Variants in DCDC2 observed in about 807,000 individuals in gnomAD.
DCDC2 encodes doublecortin domain containing 2, also known as doublecortin domain-containing protein 2.
A neutral mutation model predicts 50.2 loss-of-function variants in DCDC2; 40 were observed. The ratio of observed to expected loss-of-function variants is 0.80; its 90% CI spans 0.62 to 1.04. The LOEUF is 1.04. DCDC2 is among the 50% of genes least tolerant of loss of function. The pLI is 0.00. For synonymous variants in DCDC2, 234 were observed against 210.6 expected, an observed-to-expected ratio of 1.11 and a Z score of -0.96; for missense variants, 570 against 581.9, an observed-to-expected ratio of 0.98 and a Z score of 0.21.
At chr6:24,363,745 T>C in the DCDC2 span, among the ~76,000 whole-genome samples, 2 of 152,086 alleles carry the variant, frequency 1.3e-5, no homozygotes, top group African/African-American at 2.4e-5. Context: ...CCAAACCCAT[T>C]TCCACATTTT....
intron 7 of DCDC2, among the ~76,000 whole-genome samples, chr6:24,252,631 G>A (rs576025831): frequency 1.8e-4 from 28 of 152,318 alleles, no homozygotes; most frequent in African/African-American, 6.7e-4. Flanking sequence ...AAAGTAGAAA[G>A]AGAATGGTGA....
chr6:24,333,446 C>A (rs183493505), intron 2 of DCDC2, among the ~76,000 whole-genome samples: 1 of 152,270 alleles, frequency 6.6e-6, no homozygotes, highest in East Asian at 1.9e-4. Flanking sequence ...GCAATCCAAT[C>A]CAATTCACAC....
the DCDC2 span, among the ~76,000 whole-genome samples, chr6:24,375,242 T>C: frequency 6.6e-6 from 1 of 152,108 alleles, no homozygotes; most frequent in Non-Finnish European, 1.5e-5. Context: ...GAAAACCATA[T>C]GCCCAGAGGC....
At chr6:24,211,961 T>G (rs1187162587) in intron 7 of DCDC2, among the ~76,000 whole-genome samples, 2 of 152,182 alleles carry the variant, frequency 1.3e-5, no homozygotes, top group African/African-American at 4.8e-5. Context: ...GGCCACGGAC[T>G]GGAAGTGGTC....
chr6:24,353,407 G>A, intron 2 of DCDC2, 162 bp downstream of exon 2: 1 of 652,868 alleles, frequency 1.5e-6, no homozygotes, highest in Non-Finnish European at 2.8e-6. Flanking sequence ...TTCTGACAAT[G>A]ATTCAAAGAA....
chr6:24,200,030 CTGATTGGAG>C (rs764767000), intron 8 of DCDC2, among the ~76,000 whole-genome samples: 6 of 152,128 alleles, frequency 3.9e-5, no homozygotes, highest in Non-Finnish European at 8.8e-5. Flanking sequence ...AAACCTACAA[CTGATTGGAG>C]TCCCTAAAAG....
chr6:24,374,296 G>A, the DCDC2 span, among the ~76,000 whole-genome samples: 1 of 152,018 alleles, frequency 6.6e-6, no homozygotes, highest in South Asian at 2.1e-4. Flanking sequence ...AGCCAGGAGA[G>A]GTGGCTCACA....
In DCDC2 at chr6:24,228,086, C is replaced by G. The variant is rs573926096; in HGVS notation, c.923-22984G>C. ...CAATAATTTTCTTTCACAATTTCTA[C>G]CAAACACACATAGCAGCAGATGAGG... On this transcript the variant is annotated intron_variant, in intron 7 of 9. Transcript: ENST00000378454. 1.1e-4 allele frequency among the ~76,000 whole-genome samples: 17 copies of G among 152,300 alleles called. No individual in the cohort carries two copies. In the East Asian group the frequency reaches 3.1e-3, roughly 28 times the overall value.
intron 7 of DCDC2, among the ~76,000 whole-genome samples, chr6:24,213,953 A>T (rs772328689): frequency 1.4e-4 from 21 of 152,214 alleles, no homozygotes; most frequent in Non-Finnish European, 2.8e-4. Context: ...ATACAATGAT[A>T]CAACCCAAAT....
rs552175927 is a variant in DCDC2 at position 24,332,338 on chromosome 6, T to C, written c.348+21231A>G. Among the ~76,000 whole-genome samples the C allele has an allele frequency of 4.6e-5, 7 of 152,234 alleles. No individual in the cohort carries two copies. The East Asian group carries it at 1.4e-3, about 29-fold the overall frequency. On this transcript the variant is annotated intron_variant, in intron 2 of 9. Transcript: ENST00000378454. ...TCGCAGTCTCCCTCTTTTTTCCTGC[T>C]CCCAGCTTAGAACTCCACCACCATT...
intron 7 of DCDC2, among the ~76,000 whole-genome samples, chr6:24,254,479 T>C (rs768879057): frequency 6.6e-6 from 1 of 152,142 alleles, no homozygotes; most frequent in African/African-American, 2.4e-5. Flanking sequence ...GGCTACAACA[T>C]CACTAGGCCA....
At chr6:24,377,226 A>T in the DCDC2 span, among the ~76,000 whole-genome samples, 1 of 152,254 alleles carries the variant, frequency 6.6e-6, no homozygotes, top group African/African-American at 2.4e-5. Flanking sequence ...TTCCTATGCC[A>T]GATAGCATGT....
chr6:24,247,964 T>G (rs1177508209), intron 7 of DCDC2, among the ~76,000 whole-genome samples: 1 of 152,054 alleles, frequency 6.6e-6, no homozygotes, highest in Non-Finnish European at 1.5e-5. Flanking sequence ...TAATCCCAGC[T>G]TCTCAGGAGG....
At chr6:24,289,057 A>G (rs996776541) in intron 5 of DCDC2, 151 bp from the exon 6 acceptor site, 28 of 550,448 alleles carry the variant, frequency 5.1e-5, no homozygotes, top group Admixed American at 1.4e-4. Context: ...TACTTTCCCA[A>G]TTTCACAAAG....
chr6:24,192,129 C>A (rs2113751627), intron 8 of DCDC2, among the ~76,000 whole-genome samples: 1 of 152,204 alleles, frequency 6.6e-6, no homozygotes, highest in Non-Finnish European at 1.5e-5. Context: ...AGATGTTGAA[C>A]CTTAGGGAAA....
chr6:24,185,188 T>C (rs1483035276), intron 8 of DCDC2, among the ~76,000 whole-genome samples: 1 of 152,210 alleles, frequency 6.6e-6, no homozygotes, highest in Non-Finnish European at 1.5e-5. Flanking sequence ...GGCTGGTATA[T>C]ACCCTAATTT....
intron 7 of DCDC2, 60 bp from the exon 8 acceptor site, chr6:24,205,162 G>A (rs745520976): frequency 6.2e-7 from 1 of 1,614,114 alleles, no homozygotes; most frequent in South Asian, 1.1e-5. Flanking sequence ...GTGGCTGAAT[G>A]CTGGAATTAC....
intron 2 of DCDC2, among the ~76,000 whole-genome samples, chr6:24,327,939 C>T (rs185630591): frequency 1.8e-3 from 270 of 152,172 alleles, no homozygotes; most frequent in African/African-American, 6.2e-3. Flanking sequence ...CTTTGATGCC[C>T]AACATGTGTT....
intron 8 of DCDC2, among the ~76,000 whole-genome samples, 166 bp downstream of exon 8, chr6:24,204,836 G>A (rs1161209000): frequency 6.9e-6 from 1 of 143,954 alleles, no homozygotes; most frequent in Non-Finnish European, 1.5e-5. Context: ...AGGAATACTA[G>A]GAGAAAGAAT....
Sources: gnomAD v4.1 joint callset for allele counts (sites outside exome capture counted in the v4.1 genomes callset) on GRCh38, gnomAD v4.1.1 for gene constraint, MANE v1.5 for transcripts, NCBI Gene and HGNC (gene_info 2026-07-23, HGNC 2026-07-21) for gene names.